The following SNX29 variants were observed in gnomAD, a reference collection of about 807,000 sequenced individuals.
The protein encoded by SNX29 is sorting nexin-29.
SNX29 carries 78 observed loss-of-function variants against 102.1 expected under a neutral mutation model. The observed-to-expected ratio is 0.76, with a 90% CI of 0.64 to 0.92. SNX29 has a LOEUF of 0.92. Among genes scored for constraint, SNX29 ranks in the 40% least tolerant of loss-of-function variants. The pLI is 0.00. For synonymous variants in SNX29, 580 were observed against 414.5 expected, an observed-to-expected ratio of 1.40 and a Z score of -4.85; for missense variants, 1,280 against 1,061.7, an observed-to-expected ratio of 1.21 and a Z score of -2.86.
At chr16:12,317,801 TCA>T (rs2080798936) in intron 15 of SNX29, among the ~76,000 whole-genome samples, 2 of 152,214 alleles carry the variant, frequency 1.3e-5, no homozygotes, top group Non-Finnish European at 2.9e-5. Flanking sequence ...TCTCCAAGCC[TCA>T]GTCTCTTCAT....
chr16:12,009,629 A>G (rs2056581595), intron 3 of SNX29, among the ~76,000 whole-genome samples: 1 of 152,080 alleles, frequency 6.6e-6, no homozygotes, highest in Non-Finnish European at 1.5e-5. Context: ...AAGCCTCCCC[A>G]GGAGGAAGTG....
intron 13 of SNX29, among the ~76,000 whole-genome samples, chr16:12,183,505 T>G (rs566883228): frequency 6.6e-6 from 1 of 152,340 alleles, no homozygotes; most frequent in South Asian, 2.1e-4. Context: ...TATGTATGTG[T>G]GTATGTAAAT....
chr16:12,045,279 C>G (rs1236209796), intron 5 of SNX29, among the ~76,000 whole-genome samples: 1 of 152,196 alleles, frequency 6.6e-6, no homozygotes. Context: ...CACTCAACTA[C>G]AGGTCATGTA....
At chr16:12,402,894 T>C (rs2084003708) in intron 17 of SNX29, among the ~76,000 whole-genome samples, 1 of 152,154 alleles carries the variant, frequency 6.6e-6, no homozygotes, top group Non-Finnish European at 1.5e-5. Context: ...CCTCCTCCCA[T>C]CCTAAACAGC....
chr16:12,552,514 A>C (rs530518501), intron 20 of SNX29, among the ~76,000 whole-genome samples: 4 of 152,346 alleles, frequency 2.6e-5, no homozygotes, highest in African/African-American at 9.6e-5. Flanking sequence ...ATAGCCTGCC[A>C]AATGGGCCTT....
chr16:12,135,859 C>A, intron 13 of SNX29: 1 of 332,186 alleles, frequency 3.0e-6, no homozygotes, highest in South Asian at 2.9e-5. Context: ...CATGTCATCT[C>A]AACAATCAAC....
At chr16:12,108,047 C>T (rs1048166249) in intron 11 of SNX29, among the ~76,000 whole-genome samples, 1 of 152,058 alleles carries the variant, frequency 6.6e-6, no homozygotes, top group African/African-American at 2.4e-5. Flanking sequence ...CATGTTGAAC[C>T]ATAGAGATTT....
chr16:12,566,289 A>G lies in SNX29; in HGVS notation c.2319-2217A>G, dbSNP rs185640362. ...AGCACTGCCCACAGCAGGACTGGAC[A>G]GAGACACGTGCCTCCAAGCTATGTC... On this transcript the variant is annotated intron_variant, in intron 20 of 20. Transcript: ENST00000566228. Among the ~76,000 whole-genome samples the G allele has an allele frequency of 1.3e-3, 203 of 152,298 alleles. 1 individual carries two copies. Among genetic ancestry groups the G allele is most frequent in the Middle Eastern group, 0.01 (3 of 294 alleles).
At chr16:12,027,699 T>G (rs768849348) in intron 4 of SNX29, 37 of 306,258 alleles carry the variant, frequency 1.2e-4, no homozygotes, top group Non-Finnish European at 2.0e-4. Flanking sequence ...CGGGGACCTG[T>G]AGCACACTGG....
chr16:12,200,878 C>T (rs547505543), intron 14 of SNX29, among the ~76,000 whole-genome samples: 1 of 152,310 alleles, frequency 6.6e-6, no homozygotes, highest in South Asian at 2.1e-4. Flanking sequence ...CGTACCAGGA[C>T]ATCACACCAG....
intron 11 of SNX29, among the ~76,000 whole-genome samples, chr16:12,115,501 G>C (rs988365574): frequency 1.3e-5 from 2 of 151,524 alleles, no homozygotes; most frequent in Non-Finnish European, 2.9e-5. Context: ...GTGTGTGTGT[G>C]TGTGTGTGTG....
intron 19 of SNX29, among the ~76,000 whole-genome samples, chr16:12,519,586 C>T (rs1297757146): frequency 2.0e-5 from 3 of 152,212 alleles, no homozygotes; most frequent in Non-Finnish European, 4.4e-5. Flanking sequence ...TACCTTAAAA[C>T]ACCTTAGCGA....
intron 13 of SNX29, among the ~76,000 whole-genome samples, chr16:12,183,952 G>C (rs1039215391): frequency 1.3e-5 from 2 of 152,192 alleles, no homozygotes; most frequent in Non-Finnish European, 2.9e-5. Flanking sequence ...TGGTCTAAAA[G>C]GGGGGTATGC....
intron 10 of SNX29, among the ~76,000 whole-genome samples, chr16:12,075,149 C>T (rs2151322822): frequency 6.6e-6 from 1 of 152,310 alleles, no homozygotes; most frequent in East Asian, 1.9e-4. Context: ...CATCTGAAGC[C>T]TTCTTCTCTC....
intron 10 of SNX29, among the ~76,000 whole-genome samples, chr16:12,073,223 T>G (rs934671097): frequency 3.3e-5 from 5 of 152,200 alleles, no homozygotes; most frequent in African/African-American, 1.2e-4. Flanking sequence ...TTTGAATGTG[T>G]TTGCTCTTGC....
At chr16:12,226,587 T>TTG (rs2077617279) in intron 14 of SNX29, among the ~76,000 whole-genome samples, 1 of 150,802 alleles carries the variant, frequency 6.6e-6, no homozygotes, top group Admixed American at 6.6e-5. Flanking sequence ...TTTTTTTTTT[T>TTG]TTTGGAGACA....
At chr16:12,543,506 C>T (rs16959878) in intron 20 of SNX29, among the ~76,000 whole-genome samples, 5,557 of 152,256 alleles carry the variant, frequency 0.036, 181 homozygotes, top group African/African-American at 0.087. Context: ...GCTGGCGAGT[C>T]ATTGTGTAAG....
At chr16:12,439,764 A>C (rs8048462) in intron 18 of SNX29, among the ~76,000 whole-genome samples, 64,546 of 152,098 alleles carry the variant, frequency 0.42, 13,815 homozygotes, top group South Asian at 0.49. Flanking sequence ...ACCTTGGTAC[A>C]CTTACTTTGC....
intron 15 of SNX29, among the ~76,000 whole-genome samples, chr16:12,342,915 C>G (rs2081655569): frequency 6.6e-6 from 1 of 152,218 alleles, no homozygotes; most frequent in African/African-American, 2.4e-5. Flanking sequence ...ATACCCCTTC[C>G]TGGGAGGAGC....
Sources: gnomAD v4.1 joint callset for allele counts (sites outside exome capture counted in the v4.1 genomes callset) on GRCh38, gnomAD v4.1.1 for gene constraint, MANE v1.5 for transcripts, NCBI Gene and HGNC (gene_info 2026-07-23, HGNC 2026-07-21) for gene names.